The following C1QTNF3 variants were observed in gnomAD, a reference collection of about 807,000 sequenced individuals.
C1QTNF3 encodes complement C1q tumor necrosis factor-related protein 3.
In C1QTNF3, 26 loss-of-function variants were observed where a neutral mutation model predicts 32.6. The observed-to-expected ratio is 0.80, with a 90% CI of 0.58 to 1.11. C1QTNF3 has a LOEUF of 1.11. Ranked by LOEUF, C1QTNF3 falls within the 50% of genes least tolerant of loss-of-function variation. The pLI is 0.00. For synonymous variants in C1QTNF3, 155 were observed against 146.0 expected (o/e 1.06, Z -0.44); for missense variants, 362 against 398.2 (o/e 0.91, Z 0.77).
intron 4 of C1QTNF3, among the ~76,000 whole-genome samples, chr5:34,025,920 G>A (rs963512333): frequency 7.9e-5 from 12 of 152,224 alleles, no homozygotes. Context: ...TGACATTAAA[G>A]TGTGATGAAA....
the C1QTNF3 span, among the ~76,000 whole-genome samples, chr5:34,061,387 C>T: frequency 6.6e-6 from 1 of 152,150 alleles, no homozygotes; most frequent in Admixed American, 6.5e-5. Flanking sequence ...CAGTGGCCTT[C>T]GTCTTGCAGC....
At chr5:34,021,854 C>A (rs1402878912) in intron 5 of C1QTNF3, among the ~76,000 whole-genome samples, 1 of 152,128 alleles carries the variant, frequency 6.6e-6, no homozygotes, top group Non-Finnish European at 1.5e-5. Flanking sequence ...ATAGGTGCAG[C>A]AAACCACCAT....
At chr5:34,180,316 C>T in the C1QTNF3 span, among the ~76,000 whole-genome samples, 7 of 151,740 alleles carry the variant, frequency 4.6e-5, no homozygotes, top group South Asian at 2.1e-4. Context: ...TGCTCTCCAG[C>T]CTGGGAGACA....
At chr5:34,070,791 A>T in the C1QTNF3 span, among the ~76,000 whole-genome samples, 1 of 152,086 alleles carries the variant, frequency 6.6e-6, no homozygotes, top group African/African-American at 2.4e-5. Context: ...TCTGGAAATA[A>T]CCTCAGTCCT....
At chr5:34,044,835 G>A (rs1167942816), upstream of C1QTNF3, among the ~76,000 whole-genome samples, 1 of 152,184 alleles carries the variant, frequency 6.6e-6, no homozygotes, top group Non-Finnish European at 1.5e-5. Flanking sequence ...CTTCCTCACT[G>A]GAGGATTCCT....
the C1QTNF3 span, among the ~76,000 whole-genome samples, chr5:34,169,946 A>G: frequency 6.6e-6 from 1 of 152,168 alleles, no homozygotes; most frequent in South Asian, 2.1e-4. Context: ...TATCCAAAAC[A>G]ATTAAAATCA....
the C1QTNF3 span, among the ~76,000 whole-genome samples, chr5:34,235,594 G>T: frequency 8.0e-6 from 1 of 124,798 alleles, no homozygotes; most frequent in Non-Finnish European, 1.7e-5. Context: ...CTTGGATTAT[G>T]GAACAGAACA....
At chr5:34,072,995 T>C in the C1QTNF3 span, among the ~76,000 whole-genome samples, 5,447 of 152,258 alleles carry the variant, frequency 0.036, 325 homozygotes, top group African/African-American at 0.12. Flanking sequence ...AGATTAAAAA[T>C]GGTTTTACTG....
chr5:34,202,715 T>C, the C1QTNF3 span, among the ~76,000 whole-genome samples: 2 of 152,220 alleles, frequency 1.3e-5, no homozygotes, highest in South Asian at 2.1e-4. Flanking sequence ...TTTTGTTGCA[T>C]AGCACAGCAT....
At chr5:34,134,040 G>C in the C1QTNF3 span, among the ~76,000 whole-genome samples, 1 of 152,180 alleles carries the variant, frequency 6.6e-6, no homozygotes, top group African/African-American at 2.4e-5. Context: ...ATGACTTGAT[G>C]ATAATTATAA....
the C1QTNF3 span, among the ~76,000 whole-genome samples, chr5:34,220,278 T>A: frequency 6.6e-6 from 1 of 152,086 alleles, no homozygotes; most frequent in Non-Finnish European, 1.5e-5. Context: ...TAATTCCACA[T>A]AAATAATTTC....
chr5:34,170,472 T>C, the C1QTNF3 span, among the ~76,000 whole-genome samples: 114 of 152,188 alleles, frequency 7.5e-4, 1 homozygote, highest in African/African-American at 2.6e-3. Context: ...AAAATAAATT[T>C]CGGGGCGTCT....
At chr5:34,231,485 T>C in the C1QTNF3 span, among the ~76,000 whole-genome samples, 1 of 152,228 alleles carries the variant, frequency 6.6e-6, no homozygotes, top group Non-Finnish European at 1.5e-5. Flanking sequence ...ATCAATATCA[T>C]GGCAGCATAC....
Position 34,040,670 on chromosome 5 carries a change from G to A in C1QTNF3, c.303+2153C>T, listed in dbSNP as rs187247549. 1.8e-4 allele frequency among the ~76,000 whole-genome samples: 27 copies of A among 152,146 alleles called. 1 individual carries two copies. The East Asian group carries it at 5.2e-3, about 29-fold the overall frequency. On this transcript the variant is annotated intron_variant, in intron 1 of 5. Coordinates refer to ENST00000382065, the MANE Select transcript of C1QTNF3 (RefSeq NM_181435.6). ...ACCTAGCTAGCAAAGCAAAATCTAA[G>A]CTCCTAAACCAGCTAGCAGAATCCT...
chr5:34,201,801 T>C, the C1QTNF3 span, among the ~76,000 whole-genome samples: 2 of 152,206 alleles, frequency 1.3e-5, no homozygotes, highest in African/African-American at 4.8e-5. Flanking sequence ...AGAAAGTGCA[T>C]TTCATACATA....
chr5:34,241,854 T>C, the C1QTNF3 span, among the ~76,000 whole-genome samples: 1 of 150,578 alleles, frequency 6.6e-6, no homozygotes, highest in African/African-American at 2.4e-5. Context: ...GTAACTCCAC[T>C]GCATTCCAGC....
chr5:34,217,480 A>G, the C1QTNF3 span, among the ~76,000 whole-genome samples: 1 of 152,092 alleles, frequency 6.6e-6, no homozygotes, highest in Non-Finnish European at 1.5e-5. Context: ...TCTATCTTCA[A>G]GGTGATTTCA....
the C1QTNF3 span, among the ~76,000 whole-genome samples, chr5:34,132,429 G>GTA: frequency 1.2e-4 from 4 of 34,364 alleles, no homozygotes; most frequent in African/African-American, 3.9e-4. Flanking sequence ...GTATGTGTAT[G>GTA]TGTATGTATA....
the C1QTNF3 span, among the ~76,000 whole-genome samples, chr5:34,143,758 G>A: frequency 1.3e-5 from 2 of 152,170 alleles, no homozygotes; most frequent in African/African-American, 4.8e-5. Flanking sequence ...CATTAGACCA[G>A]CCTTACAAGA....
Sources: gnomAD v4.1 joint callset for allele counts (sites outside exome capture counted in the v4.1 genomes callset) on GRCh38, gnomAD v4.1.1 for gene constraint, MANE v1.5 for transcripts, NCBI Gene and HGNC (gene_info 2026-07-23, HGNC 2026-07-21) for gene names.